EXT1: variants seen among roughly 807,000 people sequenced by gnomAD.
EXT1 encodes the protein exostosin glycosyltransferase 1.
In EXT1, 20 loss-of-function variants were observed where a neutral mutation model predicts 82.5. The ratio of observed to expected loss-of-function variants is 0.24; its 90% CI spans 0.17 to 0.35. The LOEUF (loss-of-function observed/expected upper bound fraction) is 0.35, where lower values mean the gene tolerates loss of function less well. EXT1 is among the 10% of genes least tolerant of loss of function. EXT1 has a pLI of 1.00. For missense variants in EXT1, 757 were observed against 936.5 expected (o/e 0.81, Z 2.50); for synonymous variants, 348 against 350.8 (o/e 0.99, Z 0.09).
chr8:117,858,791 A>AGGCAGGCC (rs1554581729), intron 1 of EXT1, among the ~76,000 whole-genome samples: 3 of 58,476 alleles, frequency 5.1e-5, no homozygotes, highest in African/African-American at 2.8e-4. Flanking sequence ...GCAGGCAGGC[A>AGGCAGGCC]AGGCAAGGCA....
At chr8:117,959,639 T>A (rs1250599771) in intron 1 of EXT1, among the ~76,000 whole-genome samples, 6 of 152,166 alleles carry the variant, frequency 3.9e-5, no homozygotes, top group African/African-American at 1.4e-4. Context: ...AGGGAGATAA[T>A]TATATTGGAC....
intron 1 of EXT1, among the ~76,000 whole-genome samples, chr8:118,005,591 T>A (rs1041520883): frequency 6.6e-6 from 1 of 152,208 alleles, no homozygotes; most frequent in Admixed American, 6.5e-5. Flanking sequence ...AAGGGTTACA[T>A]AAACTAATGA....
chr8:118,044,996 C>T (rs953128172), intron 1 of EXT1, among the ~76,000 whole-genome samples: 1 of 152,196 alleles, frequency 6.6e-6, no homozygotes, highest in African/African-American at 2.4e-5. Flanking sequence ...AACCTCTAGT[C>T]GATACTATAT....
chr8:118,079,662 C>A (rs1267127365), intron 1 of EXT1, among the ~76,000 whole-genome samples: 2 of 143,186 alleles, frequency 1.4e-5, no homozygotes, highest in Admixed American at 1.4e-4. Flanking sequence ...ACCGCCCCCA[C>A]CCCCACCCCA....
rs1823122938 is a variant in EXT1, at chr8:117,798,879, A to G, written c.*833T>C. ...TGGTTGAATCTATAACCGTGCCCCC[A>G]ACCCCTGCAAGTATTGGGTTACTGT... On this transcript the variant is annotated 3_prime_UTR_variant, in exon 11 of 11. Coordinates refer to ENST00000378204, the MANE Select transcript of EXT1 (RefSeq NM_000127.3). The G allele has an allele frequency of 1.3e-5, 2 of 152,232 alleles. No individual in the cohort carries two copies. Among genetic ancestry groups the G allele is most frequent in the South Asian group, 4.1e-4 (2 of 4,832 alleles). 9.4% of individuals were successfully genotyped at this position (152,232 alleles called of 1,614,324 possible). A position where few individuals can be genotyped will look rare whatever the true frequency, so the allele number is the denominator to read the frequency against.
chr8:117,830,300 C>A lies in EXT1; in HGVS notation c.1214G>T (p.Arg405Ile), dbSNP rs1812077443. The change falls in exon 4 of 11, where the codon AGA (arginine) becomes ATA (isoleucine). Residue 405 changes from arginine (R) to isoleucine (I), a missense_variant. Physicochemically the swap from Arg to Ile is moderately conservative, Grantham distance 97. Coordinates refer to ENST00000378204, the MANE Select transcript of EXT1 (RefSeq NM_000127.3). ...SIHQDKILAL[R>I]QQTQFLWEAY... Reference sequence around the variant, plus strand: ...CTCCCACAAGAATTGTGTCTGCTGTCTAAGTGCTAGGATTTTATCCTGATG... The same window carrying A: ...CTCCCACAAGAATTGTGTCTGCTGTATAAGTGCTAGGATTTTATCCTGATG... The A allele has an allele frequency of 6.2e-7, 1 of 1,614,084 alleles. No individual in the cohort carries two copies. The highest frequency in any genetic ancestry group is 1.1e-5 in the South Asian group (1 of 91,078).
At chr8:118,000,532 A>T (rs1235072830) in intron 1 of EXT1, among the ~76,000 whole-genome samples, 1 of 152,190 alleles carries the variant, frequency 6.6e-6, no homozygotes, top group Non-Finnish European at 1.5e-5. Context: ...CTAAGAGGCA[A>T]TGTCTTAGCT....
chr8:117,814,327 T>C (rs887414903), intron 7 of EXT1, among the ~76,000 whole-genome samples: 2 of 151,766 alleles, frequency 1.3e-5, no homozygotes, highest in Non-Finnish European at 2.9e-5. Flanking sequence ...TACCCTGTGA[T>C]AGTCACAACT....
Position 118,110,506 on chromosome 8 carries a change from G to A in EXT1, c.541C>T (p.Leu181Phe). ...VHNLRSKVQS[L>F]HLWNNGRNHL... ...TTCCTACCATTGTTCCACAAGTGGAGACTCTGCACTTTGGATCTCAAATTG... is the reference window on the plus strand; with the variant it reads ...TTCCTACCATTGTTCCACAAGTGGAAACTCTGCACTTTGGATCTCAAATTG... Residue 181 changes from leucine (L) to phenylalanine (F), a missense_variant, in exon 1 of 11, where the codon CTC becomes TTC. Around this residue, in one of 4 missense-constraint regions of EXT1, gnomAD observed 247 missense variants for 330.1 expected, o/e 0.75. Transcript: ENST00000378204. The A allele has an allele frequency of 6.2e-7, 1 of 1,614,132 alleles. No individual in the cohort carries two copies. Among genetic ancestry groups the A allele is most frequent in the Non-Finnish European group, 8.5e-7 (1 of 1,180,034 alleles).
At chr8:117,928,544 C>G (rs1291757686) in intron 1 of EXT1, among the ~76,000 whole-genome samples, 1 of 152,134 alleles carries the variant, frequency 6.6e-6, no homozygotes. Flanking sequence ...GAATGCTGTT[C>G]TGATAAAAAT....
At chr8:118,032,259 G>A (rs956021528) in intron 1 of EXT1, among the ~76,000 whole-genome samples, 9 of 151,544 alleles carry the variant, frequency 5.9e-5, no homozygotes, top group African/African-American at 1.2e-4. Context: ...AGCAACTCCC[G>A]GGAACTTGTT....
At chr8:117,957,800 T>C (rs17430965) in intron 1 of EXT1, among the ~76,000 whole-genome samples, 10,675 of 152,236 alleles carry the variant, frequency 0.07, 894 homozygotes, top group African/African-American at 0.2. Flanking sequence ...TCCTTCTCTG[T>C]GTCCAGTTCC....
At chr8:118,038,667 C>A (rs761140104) in intron 1 of EXT1, among the ~76,000 whole-genome samples, 1 of 152,162 alleles carries the variant, frequency 6.6e-6, no homozygotes, top group African/African-American at 2.4e-5. Context: ...GTAACAACTC[C>A]GAAGGGCAGA....
At chr8:117,815,658 A>G (rs1811797275) in intron 7 of EXT1, among the ~76,000 whole-genome samples, 1 of 152,190 alleles carries the variant, frequency 6.6e-6, no homozygotes, top group African/African-American at 2.4e-5. Context: ...TTGGCCAGGT[A>G]CAGTGGCTCC....
Position 118,062,176 on chromosome 8 carries a change from T to C in EXT1, c.962+47909A>G, listed in dbSNP as rs141536871. 3.3e-3 allele frequency among the ~76,000 whole-genome samples: 500 copies of C among 152,346 alleles called. 3 individuals are homozygous for C. The highest frequency in any genetic ancestry group is 0.011 in the African/African-American group (471 of 41,582). On this transcript the variant is annotated intron_variant, in intron 1 of 10. Transcript: ENST00000378204. ...TTCTGGTCATTATGGTTTCTGCCTC[T>C]CAGCAGTCCTTCCCCGTTGACACAA...
intron 1 of EXT1, among the ~76,000 whole-genome samples, chr8:117,923,373 C>T (rs1279167923): frequency 6.6e-6 from 1 of 150,996 alleles, no homozygotes; most frequent in African/African-American, 2.4e-5. Context: ...GTGGGTGGCT[C>T]GAGGAGACTG....
intron 1 of EXT1, among the ~76,000 whole-genome samples, chr8:118,066,051 T>C (rs897957217): frequency 2.6e-5 from 4 of 152,198 alleles, no homozygotes; most frequent in African/African-American, 7.2e-5. Context: ...AGCTATCACA[T>C]CTGTTTGAAA....
At chr8:117,817,926 A>C (rs949103772) in intron 7 of EXT1, among the ~76,000 whole-genome samples, 7 of 152,236 alleles carry the variant, frequency 4.6e-5, no homozygotes, top group African/African-American at 1.7e-4. Flanking sequence ...TGTAGCACTC[A>C]TGAGAATCTT....
chr8:118,091,894 G>C (rs1817532918), intron 1 of EXT1, among the ~76,000 whole-genome samples: 1 of 151,990 alleles, frequency 6.6e-6, no homozygotes, highest in South Asian at 2.1e-4. Flanking sequence ...AAGTTTTTCT[G>C]CACTAAAAGG....
Sources: allele counts gnomAD v4.1 joint callset (sites outside exome capture counted in the v4.1 genomes callset), GRCh38; gene constraint gnomAD v4.1.1; regional missense constraint gnomAD v4.1.1; transcripts MANE v1.5; gene names NCBI Gene and HGNC (gene_info 2026-07-23, HGNC 2026-07-21).